The following TM9SF4 variants were observed in gnomAD, a reference collection of about 807,000 sequenced individuals.
The protein encoded by TM9SF4 is dinucleotide oxidase disulfide thiol exchanger 3 superfamily member 4.
Under a neutral mutation model 90.4 loss-of-function variants are expected in TM9SF4, and 26 were observed. That is an observed-to-expected ratio of 0.29 (90% confidence interval 0.21 to 0.40). TM9SF4 has a LOEUF of 0.40. TM9SF4 is among the 10% of genes least tolerant of loss of function. TM9SF4 has a pLI of 1.00. For missense variants in TM9SF4, 549 were observed against 834.8 expected (o/e 0.66, Z 4.22); for synonymous variants, 293 against 315.4 (o/e 0.93, Z 0.75).
At chr20:32,138,061 T>A (rs1334989589) in intron 3 of TM9SF4, among the ~76,000 whole-genome samples, 1 of 152,200 alleles carries the variant, frequency 6.6e-6, no homozygotes. Context: ...TTTGAAAGAC[T>A]TAGTCAGGGT....
rs891672317 is a variant in TM9SF4 at position 32,109,727 on chromosome 20, C to A, written c.-14C>A. ...ACTTCCGCTGACGTCATTACGGCGA[C>A]ACGTGGATCCAAGATGGCGACGGCG... On this transcript the variant is annotated 5_prime_UTR_variant, in exon 1 of 18. Coordinates refer to ENST00000398022, the MANE Select transcript of TM9SF4 (RefSeq NM_014742.4). The A allele has an allele frequency of 3.9e-6, 6 of 1,551,504 alleles. No individual in the cohort carries two copies. The African/African-American group carries it at 6.8e-5, about 18-fold the overall frequency.
At chr20:32,158,593 A>C (rs572374007) in intron 15 of TM9SF4, 79 bp downstream of exon 15, 1 of 1,474,016 alleles carries the variant, frequency 6.8e-7, no homozygotes, top group Non-Finnish European at 9.5e-7. Context: ...TCTGCTGCCT[A>C]CTGCCTGAGA....
intron 9 of TM9SF4, among the ~76,000 whole-genome samples, chr20:32,148,684 T>C (rs1475307164): frequency 6.6e-6 from 1 of 150,630 alleles, no homozygotes; most frequent in East Asian, 1.9e-4. Context: ...TTTTTTTTTT[T>C]TTAAGAGACG....
chr20:32,128,524 T>C (rs1022852738), intron 1 of TM9SF4, among the ~76,000 whole-genome samples: 6 of 152,210 alleles, frequency 3.9e-5, no homozygotes, highest in South Asian at 2.1e-4. Context: ...GGGCTTTTAA[T>C]GTAACCATCC....
chr20:32,125,681 C>CTTTTTTTTTTTTT (rs11470673), intron 1 of TM9SF4, among the ~76,000 whole-genome samples: 1 of 108,950 alleles, frequency 9.2e-6, no homozygotes, highest in Non-Finnish European at 1.8e-5. Context: ...TCTCTTTTTT[C>CTTTTTTTTTTTTT]TTTTTTTTTT....
At chr20:32,117,466 A>AAT (rs1156365191) in intron 1 of TM9SF4, among the ~76,000 whole-genome samples, 1 of 152,138 alleles carries the variant, frequency 6.6e-6, no homozygotes, top group Non-Finnish European at 1.5e-5. Context: ...TGAATGAAAT[A>AAT]ATTTTTCGTT....
chr20:32,162,265 C>T (rs1026686695), intron 17 of TM9SF4, among the ~76,000 whole-genome samples: 8 of 152,174 alleles, frequency 5.3e-5, no homozygotes, highest in Admixed American at 2.0e-4. Flanking sequence ...GTCAGTTGAT[C>T]GAAGCTGGGA....
In TM9SF4 at chr20:32,161,423, A is replaced by AGGATGCTG. The variant is rs1352929816; in HGVS notation, c.1779+62_1779+69dup. On this transcript the variant is annotated intron_variant, in intron 17 of 17. Transcript: ENST00000398022. ...CTCATAGGGTAGGAAGGTCAGGAGG[A>AGGATGCTG]GGATGCTGGGAGAAAAACCCAAGTG... is the stretch of plus-strand genomic sequence containing the variant. 1.9e-6 allele frequency: 3 copies of AGGATGCTG among 1,551,316 alleles called. No homozygotes were observed. The African/African-American group carries it at 4.1e-5, about 21-fold the overall frequency.
intron 3 of TM9SF4, among the ~76,000 whole-genome samples, chr20:32,139,882 G>A (rs2046646872): frequency 6.6e-6 from 1 of 152,226 alleles, no homozygotes; most frequent in African/African-American, 2.4e-5. Flanking sequence ...TCTTTGCTCA[G>A]TTAACATCTC....
intron 1 of TM9SF4, among the ~76,000 whole-genome samples, chr20:32,117,643 C>G (rs115406959): frequency 0.016 from 2,379 of 151,426 alleles, 53 homozygotes; most frequent in African/African-American, 0.055. Context: ...CCCCGCCCCC[C>G]CAAGAATAAA....
Position 32,114,796 on chromosome 20 carries a change from C to T in TM9SF4, c.15+5041C>T, listed in dbSNP as rs1293388816. ...GGACATGAGCTGACTGAAGAAGGAA[C>T]GCTGGAGCAGGAGCCAGCAGCCTGG... On this transcript the variant is annotated intron_variant, in intron 1 of 17. Coordinates refer to ENST00000398022, the MANE Select transcript of TM9SF4 (RefSeq NM_014742.4). Among the ~76,000 whole-genome samples, 11 of 152,306 alleles carry T rather than the reference C, an allele frequency of 7.2e-5. No homozygotes were observed. In the East Asian group the frequency reaches 1.7e-3, roughly 24 times the overall value.
rs563538712 is a variant in TM9SF4, at chr20:32,162,485, T to C, written c.1779+1120T>C. ...TTTATTGGAACACAGCCATGGTCAT[T>C]CATTAACATATCTGTCCATGGCTGC... On this transcript the variant is annotated intron_variant, in intron 17 of 17. Transcript: ENST00000398022. Among the ~76,000 whole-genome samples, 31 of 152,340 alleles carry C rather than the reference T, an allele frequency of 2.0e-4. No individual in the cohort carries two copies. In the South Asian group the frequency reaches 2.1e-3, roughly 10 times the overall value.
At chr20:32,150,237 A>G (rs1381303308) in intron 10 of TM9SF4, among the ~76,000 whole-genome samples, 1 of 152,168 alleles carries the variant, frequency 6.6e-6, no homozygotes, top group Non-Finnish European at 1.5e-5. Context: ...GACCTCTGTG[A>G]GCCTCCGTTT....
chr20:32,163,245 CAAA>C (rs67827616), intron 17 of TM9SF4, among the ~76,000 whole-genome samples: 1,121 of 39,900 alleles, frequency 0.028, 7 homozygotes, highest in East Asian at 0.031. Context: ...GACTCCATCT[CAAA>C]AAAAAAAAAA....
chr20:32,162,430 C>G (rs1328311588), intron 17 of TM9SF4, among the ~76,000 whole-genome samples: 2 of 152,206 alleles, frequency 1.3e-5, no homozygotes, highest in East Asian at 3.8e-4. Flanking sequence ...CTGCAGCCCG[C>G]GTGGGCCAGC....
chr20:32,163,268 A>AAAAAATATATATAT (rs1555886757), intron 17 of TM9SF4, among the ~76,000 whole-genome samples: 4 of 74,478 alleles, frequency 5.4e-5, no homozygotes, highest in African/African-American at 2.4e-4. Flanking sequence ...AAAAAAAAAA[A>AAAAAATATATATAT]ATATATATAT....
chr20:32,156,961 A>G (rs1255847217), intron 13 of TM9SF4, among the ~76,000 whole-genome samples: 1 of 31,152 alleles, frequency 3.2e-5, no homozygotes. Flanking sequence ...TTTTTTTGAG[A>G]CGAAGTCTCA....
At chr20:32,161,495 T>C in intron 17 of TM9SF4, 130 bp downstream of exon 17, 1 of 724,216 alleles carries the variant, frequency 1.4e-6, no homozygotes. Flanking sequence ...CAAAGCCACC[T>C]AGAACTGTTC....
intron 3 of TM9SF4, 124 bp downstream of exon 3, chr20:32,136,297 GT>G: frequency 1.1e-6 from 1 of 903,924 alleles, no homozygotes; most frequent in Non-Finnish European, 1.7e-6. Flanking sequence ...TTGCATACCT[GT>G]TAGCTTATTT....
Sources: gnomAD v4.1 joint callset for allele counts (sites outside exome capture counted in the v4.1 genomes callset) on GRCh38, gnomAD v4.1.1 for gene constraint, MANE v1.5 for transcripts, NCBI Gene and HGNC (gene_info 2026-07-23, HGNC 2026-07-21) for gene names.